Variants in PEPD observed in about 807,000 individuals in gnomAD.
PEPD encodes the protein peptidase D.
A neutral mutation model predicts 60.7 loss-of-function variants in PEPD; 53 were observed. That is an observed-to-expected ratio of 0.87 (90% CI 0.70 to 1.10). The LOEUF (loss-of-function observed/expected upper bound fraction) is 1.10, where lower values mean the gene tolerates loss of function less well. Among genes scored for constraint, PEPD ranks in the 50% least tolerant of loss-of-function variants. The pLI, the probability that PEPD is intolerant of heterozygous loss-of-function variation, is 0.00. For missense variants in PEPD, 711 were observed against 711.9 expected (o/e 1.00, Z 0.01); for synonymous variants, 267 against 284.1 (o/e 0.94, Z 0.60).
chr19:33,429,874 T>A (rs1600108311), intron 9 of PEPD, among the ~76,000 whole-genome samples: 2 of 152,248 alleles, frequency 1.3e-5, no homozygotes, highest in South Asian at 4.1e-4. Context: ...ACAAGAGAAG[T>A]TTAAGCTCGT....
At chr19:33,513,061 A>C (rs1970959511) in intron 1 of PEPD, among the ~76,000 whole-genome samples, 1 of 143,060 alleles carries the variant, frequency 7.0e-6, no homozygotes, top group Non-Finnish European at 1.5e-5. Context: ...CAGTGACCCC[A>C]CGCTCCCGAA....
intron 7 of PEPD, 60 bp downstream of exon 7, chr19:33,477,986 C>T (rs993885514): frequency 2.0e-5 from 23 of 1,127,198 alleles, no homozygotes; most frequent in Non-Finnish European, 3.0e-5. Context: ...AACAACAGGG[C>T]ATTCCATCCC....
At chr19:33,508,153 C>A (rs1970848674) in intron 3 of PEPD, among the ~76,000 whole-genome samples, 1 of 152,210 alleles carries the variant, frequency 6.6e-6, no homozygotes, top group Non-Finnish European at 1.5e-5. Context: ...TCCGACCTGA[C>A]TGCTGAGCTA....
chr19:33,473,129 T>C (rs1600143786), intron 7 of PEPD, among the ~76,000 whole-genome samples: 1 of 152,118 alleles, frequency 6.6e-6, no homozygotes, highest in African/African-American at 2.4e-5. Context: ...CGCCTTTCCT[T>C]CTGTCTGATG....
At chr19:33,414,048 C>T (rs957102052) in intron 9 of PEPD, among the ~76,000 whole-genome samples, 10 of 152,216 alleles carry the variant, frequency 6.6e-5, no homozygotes, top group Admixed American at 1.3e-4. Flanking sequence ...CCTGTGACTC[C>T]GTGCCCAGAG....
At chr19:33,467,434 C>T (rs956019002) in intron 7 of PEPD, among the ~76,000 whole-genome samples, 1 of 151,734 alleles carries the variant, frequency 6.6e-6, no homozygotes, top group African/African-American at 2.4e-5. Flanking sequence ...ATATTACAAA[C>T]CCTAACAAGG....
intron 6 of PEPD, among the ~76,000 whole-genome samples, chr19:33,486,674 G>A (rs1449555807): frequency 6.6e-6 from 1 of 152,150 alleles, no homozygotes; most frequent in Non-Finnish European, 1.5e-5. Flanking sequence ...GGAGGTGGAG[G>A]GAGGTCTGAG....
intron 9 of PEPD, among the ~76,000 whole-genome samples, chr19:33,452,046 C>G (rs1012886393): frequency 6.6e-6 from 1 of 152,084 alleles, no homozygotes; most frequent in Non-Finnish European, 1.5e-5. Context: ...AAGATAAAAA[C>G]TAAACACTTT....
intron 12 of PEPD, among the ~76,000 whole-genome samples, chr19:33,394,935 C>T (rs995757586): frequency 6.6e-6 from 1 of 152,216 alleles, no homozygotes; most frequent in African/African-American, 2.4e-5. Flanking sequence ...CTCCGCTGCA[C>T]ACCCCTTGGA....
chr19:33,446,456 G>A (rs530289061), intron 9 of PEPD, among the ~76,000 whole-genome samples: 15 of 152,348 alleles, frequency 9.8e-5, no homozygotes, highest in East Asian at 1.9e-4. Flanking sequence ...ACCCGGGCAC[G>A]TGGACACTCT....
intron 9 of PEPD, among the ~76,000 whole-genome samples, chr19:33,418,563 T>A (rs1968940216): frequency 6.6e-6 from 1 of 152,072 alleles, no homozygotes; most frequent in African/African-American, 2.4e-5. Context: ...CAGTGGGTCA[T>A]CAGAAGGCAC....
chr19:33,493,325 G>A lies in PEPD; in HGVS notation c.406C>T (p.Leu136=). 1 of 1,613,330 alleles carries A rather than the reference G, an allele frequency of 6.2e-7. No individual in the cohort carries two copies. Among genetic ancestry groups the A allele is most frequent in the Non-Finnish European group, 8.5e-7 (1 of 1,179,360 alleles). The stretch of plus-strand genomic sequence containing the variant: ...AGGACAGAGGGCTTCTGTGACGTCA[G>A]GACGCTGGCAATCTAGAAGGTCGGA... ...VQYVDEIASV[L]TSQKPSVLLT... The change falls in exon 5 of 15, where the codon CTG becomes TTG. Residue 136 remains leucine, a synonymous_variant. Transcript: ENST00000244137.
At chr19:33,399,366 C>A (rs1173358431) in intron 12 of PEPD, among the ~76,000 whole-genome samples, 2 of 152,232 alleles carry the variant, frequency 1.3e-5, no homozygotes, top group Admixed American at 6.5e-5. Context: ...TCAGCGCTGT[C>A]ACCCCATCAC....
rs1031411749 is a variant in PEPD at position 33,475,556 on chromosome 19, C to T, written c.548+2490G>A. The stretch of plus-strand genomic sequence containing the variant: ...AAGTTGGGAGGTATGCTTAGGAACG[C>T]GGGCTCGACCTCAAAGCCTCGAAAA... On this transcript the variant is annotated intron_variant, in intron 7 of 14. Transcript: ENST00000244137. Among the ~76,000 whole-genome samples the T allele has an allele frequency of 5.9e-5, 9 of 152,140 alleles. No individual in the cohort carries two copies. The East Asian group carries it at 7.7e-4, about 13-fold the overall frequency.
At chr19:33,505,824 TAC>T (rs200171329) in intron 3 of PEPD, among the ~76,000 whole-genome samples, 3 of 79,550 alleles carry the variant, frequency 3.8e-5, no homozygotes, top group Non-Finnish European at 8.0e-5. Flanking sequence ...CCCTACACAC[TAC>T]ACACACCCAC....
At chr19:33,492,755 C>A (rs1970524212) in intron 5 of PEPD, among the ~76,000 whole-genome samples, 1 of 152,190 alleles carries the variant, frequency 6.6e-6, no homozygotes, top group South Asian at 2.1e-4. Flanking sequence ...GGTGTGGCGC[C>A]AGGCCCACAT....
Position 33,411,761 on chromosome 19 carries a change from C to T in PEPD, c.741-12G>A, listed in dbSNP as rs375510790. ...CTGAGTTCTCACCACTGCAAAGAGCCGGGGGAGGGTGATCAAAGCCCATTC... is the reference window on the plus strand; with the variant it reads ...CTGAGTTCTCACCACTGCAAAGAGCTGGGGGAGGGTGATCAAAGCCCATTC... On this transcript the variant is annotated splice_polypyrimidine_tract_variant and intron_variant, in intron 10 of 14. Coordinates refer to ENST00000244137, the MANE Select transcript of PEPD (RefSeq NM_000285.4). The T allele has an allele frequency of 5.7e-6, 9 of 1,568,532 alleles. 1 individual carries two copies. The highest frequency in any genetic ancestry group is 2.7e-5 in the African/African-American group (2 of 73,948).
chr19:33,424,042 T>C (rs900258491), intron 9 of PEPD, among the ~76,000 whole-genome samples: 2 of 152,258 alleles, frequency 1.3e-5, no homozygotes, highest in African/African-American at 4.8e-5. Flanking sequence ...AGCACCATCT[T>C]GTTGAAAGAT....
intron 9 of PEPD, among the ~76,000 whole-genome samples, chr19:33,428,892 A>G (rs1339054688): frequency 6.6e-6 from 1 of 152,218 alleles, no homozygotes; most frequent in Non-Finnish European, 1.5e-5. Context: ...ACATTCACAC[A>G]TACATGCACA....
Sources: allele counts gnomAD v4.1 joint callset (sites outside exome capture counted in the v4.1 genomes callset), GRCh38; gene constraint gnomAD v4.1.1; transcripts MANE v1.5; gene names NCBI Gene and HGNC (gene_info 2026-07-23, HGNC 2026-07-21).